OTULIN: variants seen among roughly 807,000 people sequenced by gnomAD.
OTULIN encodes the protein OTU deubiquitinase with linear linkage specificity.
A neutral mutation model predicts 39.6 loss-of-function variants in OTULIN; 15 were observed. The ratio of observed to expected loss-of-function variants is 0.38; its 90% CI spans 0.25 to 0.58. OTULIN has a LOEUF of 0.58. OTULIN is among the 20% of genes least tolerant of loss of function. The pLI is 0.66. For synonymous variants in OTULIN, 156 were observed against 170.3 expected (o/e 0.92, Z 0.65); for missense variants, 319 against 445.9 (o/e 0.72, Z 2.56).
Position 14,685,198 on chromosome 5 carries a change from A to AT in OTULIN, c.469-2316dup, listed in dbSNP as rs199856455. On this transcript the variant is annotated intron_variant, in intron 4 of 6. Transcript: ENST00000284274. ...AGAGTGAGATAGACTGTGTATCAAA[A>AT]TTTTTTTGTAAGTTTTGGGGATGAC... 4.3e-4 allele frequency among the ~76,000 whole-genome samples: 65 copies of AT among 152,254 alleles called. No homozygotes were observed. In the East Asian group the frequency reaches 0.012, roughly 28 times the overall value.
chr5:14,682,124 T>C (rs1004230902), intron 4 of OTULIN, among the ~76,000 whole-genome samples: 1 of 152,208 alleles, frequency 6.6e-6, no homozygotes, highest in Admixed American at 6.5e-5. Flanking sequence ...TGGCCCTCTT[T>C]AGCGTTTTAA....
At chr5:14,703,353 A>C (rs1463983804), downstream of OTULIN, among the ~76,000 whole-genome samples, 25 of 130,122 alleles carry the variant, frequency 1.9e-4, no homozygotes, top group African/African-American at 7.6e-4. Flanking sequence ...AAAAAAAAAA[A>C]AAAAAAAAAA....
the OTULIN span, chr5:14,706,800 C>T: frequency 1.3e-5 from 2 of 152,212 alleles, no homozygotes; most frequent in East Asian, 1.9e-4. Context: ...AATAACCACA[C>T]AGAGGAGTAT....
the OTULIN span, among the ~76,000 whole-genome samples, chr5:14,712,593 C>G: frequency 2.0e-5 from 3 of 152,252 alleles, no homozygotes; most frequent in Non-Finnish European, 4.4e-5. Context: ...TGAATTTCGC[C>G]CCATCTACGC....
At chr5:14,715,064 CG>C in the OTULIN span, among the ~76,000 whole-genome samples, 1 of 152,228 alleles carries the variant, frequency 6.6e-6, no homozygotes, top group African/African-American at 2.4e-5. Flanking sequence ...CAGAAAGTGA[CG>C]CCGCAAGGCC....
chr5:14,691,656 A>G (rs183415422), intron 6 of OTULIN, among the ~76,000 whole-genome samples: 456 of 151,634 alleles, frequency 3.0e-3, no homozygotes, highest in Non-Finnish European at 4.8e-3. Flanking sequence ...CATATACCAT[A>G]AAGTTCACTC....
chr5:14,668,458 AC>A (rs1451140019), intron 1 of OTULIN, among the ~76,000 whole-genome samples: 1 of 152,110 alleles, frequency 6.6e-6, no homozygotes, highest in Non-Finnish European at 1.5e-5. Context: ...TGTGTTGTTC[AC>A]CCATCTCTGA....
chr5:14,711,012 T>C, the OTULIN span: 4 of 638,506 alleles, frequency 6.3e-6, no homozygotes, highest in East Asian at 8.4e-5. Flanking sequence ...ATTCACTAGG[T>C]CCCCCCGTCA....
intron 1 of OTULIN, among the ~76,000 whole-genome samples, chr5:14,665,358 C>T (rs1410735946): frequency 1.3e-5 from 2 of 152,130 alleles, no homozygotes; most frequent in Non-Finnish European, 2.9e-5. Context: ...GCTGCAGCCG[C>T]CGGAGAACGG....
Position 14,690,393 on chromosome 5 carries a change from A to G in OTULIN, c.864+85A>G. On this transcript the variant is annotated intron_variant, in intron 6 of 6. Coordinates refer to ENST00000284274, the MANE Select transcript of OTULIN (RefSeq NM_138348.6). The surrounding 1 kb of genome is among the most constrained non-coding windows in gnomAD (Gnocchi z 4.5). ...TGATGTCACAGTTTTTGTAGGTCAG[A>G]AATTCAGGGACAGCTTAGTTGGATG... The G allele has an allele frequency of 6.7e-7, 1 of 1,498,352 alleles. No individual in the cohort carries two copies. Among genetic ancestry groups the G allele is most frequent in the Non-Finnish European group, 9.0e-7 (1 of 1,109,848 alleles). 92.8% of individuals were successfully genotyped at this position (1,498,352 alleles called of 1,614,324 possible).
At chr5:14,674,874 G>T (rs1419255753) in intron 2 of OTULIN, among the ~76,000 whole-genome samples, 1 of 152,162 alleles carries the variant, frequency 6.6e-6, no homozygotes, top group Non-Finnish European at 1.5e-5. Flanking sequence ...GAACTGACAG[G>T]CCTGGGAATT....
intron 3 of OTULIN, among the ~76,000 whole-genome samples, chr5:14,680,625 C>T (rs1403681670): frequency 6.6e-6 from 1 of 152,194 alleles, no homozygotes; most frequent in African/African-American, 2.4e-5. Context: ...GGGGACCAGA[C>T]TCACTAGGAT....
At chr5:14,713,922 T>G in the OTULIN span, among the ~76,000 whole-genome samples, 1 of 152,260 alleles carries the variant, frequency 6.6e-6, no homozygotes, top group Non-Finnish European at 1.5e-5. The surrounding 1 kb of genome is among the most constrained non-coding windows in gnomAD (Gnocchi z 4.4). Flanking sequence ...CTTTCTCCAC[T>G]GGGACAGCAT....
intron 5 of OTULIN, chr5:14,687,959 T>G (rs1034320121): frequency 2.8e-5 from 5 of 177,850 alleles, no homozygotes; most frequent in African/African-American, 1.2e-4. Context: ...AGAATATAAT[T>G]TGGTTCCTAT....
intron 3 of OTULIN, among the ~76,000 whole-genome samples, chr5:14,680,681 G>A (rs1736223748): frequency 6.6e-6 from 1 of 152,218 alleles, no homozygotes; most frequent in African/African-American, 2.4e-5. Context: ...TCCATTGGAT[G>A]GCTGTTTTTG....
chr5:14,681,042 G>A (rs1040042576), intron 3 of OTULIN, among the ~76,000 whole-genome samples: 4 of 152,082 alleles, frequency 2.6e-5, no homozygotes, highest in African/African-American at 9.7e-5. Context: ...CCTGGGCAAC[G>A]AGAGCGAAAC....
chr5:14,714,279 C>T, the OTULIN span, among the ~76,000 whole-genome samples: 7 of 152,228 alleles, frequency 4.6e-5, no homozygotes, highest in Non-Finnish European at 1.0e-4. Flanking sequence ...CATGGCCTGC[C>T]CATGCCTGCC....
intron 1 of OTULIN, among the ~76,000 whole-genome samples, chr5:14,667,233 C>T (rs1374446589): frequency 6.6e-6 from 1 of 152,222 alleles, no homozygotes; most frequent in Non-Finnish European, 1.5e-5. Context: ...ACTCTGAAGG[C>T]TGTGGTGACG....
chr5:14,714,760 C>T, the OTULIN span, among the ~76,000 whole-genome samples: 1 of 152,220 alleles, frequency 6.6e-6, no homozygotes, highest in Non-Finnish European at 1.5e-5. Context: ...CAAAGAGTGG[C>T]AGGGCCTGGC....
Sources: allele counts gnomAD v4.1 joint callset (sites outside exome capture counted in the v4.1 genomes callset), GRCh38; gene constraint gnomAD v4.1.1; non-coding constraint Gnocchi (gnomAD v3.1); transcripts MANE v1.5; gene names NCBI Gene and HGNC (gene_info 2026-07-23, HGNC 2026-07-21).